Variants in POM121C observed in about 807,000 individuals in gnomAD.
POM121C encodes the protein POM121 transmembrane nucleoporin C, also known as nuclear envelope pore membrane protein POM 121C.
A neutral mutation model predicts 66.4 loss-of-function variants in POM121C; 20 were observed. The ratio of observed to expected loss-of-function variants is 0.30; its 90% CI spans 0.21 to 0.44. The LOEUF is 0.44. Among genes scored for constraint, POM121C ranks in the 20% least tolerant of loss-of-function variants. The pLI is 1.00. For missense variants in POM121C, 580 were observed against 1,225.7 expected, an observed-to-expected ratio of 0.47 and a Z score of 7.87; for synonymous variants, 286 against 528.0, an observed-to-expected ratio of 0.54 and a Z score of 6.28.
chr7:75,462,248 A>G (rs1554477145), intron 3 of POM121C, among the ~76,000 whole-genome samples: 1 of 150,900 alleles, frequency 6.6e-6, no homozygotes, highest in South Asian at 2.1e-4. Context: ...TTTCCCCTGC[A>G]CTCTCCCCTC....
intron 3 of POM121C, chr7:75,442,609 G>C (rs1396729260): frequency 6.7e-7 from 1 of 1,490,880 alleles, no homozygotes; most frequent in Non-Finnish European, 8.9e-7. Flanking sequence ...GCGACAGGCC[G>C]AGAAGCGCCG....
At chr7:75,477,399 A>G (rs1229690362) in intron 1 of POM121C, among the ~76,000 whole-genome samples, 1 of 152,268 alleles carries the variant, frequency 6.6e-6, no homozygotes, top group Admixed American at 6.5e-5. Context: ...CCTGGTCAAC[A>G]TGGTGAAACC....
intron 5 of POM121C, 104 bp from the exon 6 acceptor site, chr7:75,439,328 C>T (rs781956940): frequency 6.7e-7 from 1 of 1,485,130 alleles, no homozygotes; most frequent in East Asian, 2.3e-5. Flanking sequence ...CTATGGAGCA[C>T]AGATTCCATG....
intron 3 of POM121C, among the ~76,000 whole-genome samples, chr7:75,464,347 C>T (rs1170980530): frequency 6.6e-6 from 1 of 152,252 alleles, no homozygotes; most frequent in Non-Finnish European, 1.5e-5. Flanking sequence ...CCTGTAATTC[C>T]AGCACTTTGG....
chr7:75,465,088 G>A (rs1224880464), intron 3 of POM121C, among the ~76,000 whole-genome samples: 12 of 150,338 alleles, frequency 8.0e-5, no homozygotes, highest in East Asian at 2.1e-4. Flanking sequence ...TCTGCCTACC[G>A]GGTTCAAGCA....
chr7:75,461,207 C>A (rs587688400), intron 3 of POM121C, among the ~76,000 whole-genome samples: 3 of 152,080 alleles, frequency 2.0e-5, no homozygotes, highest in South Asian at 2.1e-4. Flanking sequence ...CAACAAAAAA[C>A]CACAAAATAT....
intron 7 of POM121C, among the ~76,000 whole-genome samples, chr7:75,434,156 G>T (rs1288277145): frequency 6.6e-6 from 1 of 152,120 alleles, no homozygotes; most frequent in Non-Finnish European, 1.5e-5. Context: ...AGATTTGGCT[G>T]GTAGCCCTTC....
At chr7:75,438,623 G>A (rs1157263096) in intron 6 of POM121C, among the ~76,000 whole-genome samples, 5 of 152,180 alleles carry the variant, frequency 3.3e-5, no homozygotes, top group African/African-American at 4.8e-5. Flanking sequence ...GCAGAACTAC[G>A]GAAGGCAGGA....
At chr7:75,455,918 T>C (rs1245137398) in intron 3 of POM121C, among the ~76,000 whole-genome samples, 6 of 152,130 alleles carry the variant, frequency 3.9e-5, no homozygotes, top group Admixed American at 6.6e-5. Context: ...TCACTAAAGG[T>C]GTGCAGAGTA....
chr7:75,425,711 G>T lies in POM121C; in HGVS notation c.573-3C>A. 6.2e-7 allele frequency: 1 copy of T among 1,610,678 alleles called. No individual in the cohort carries two copies. The highest frequency in any genetic ancestry group is 2.2e-5 in the East Asian group (1 of 44,870). On this transcript the variant is annotated splice_polypyrimidine_tract_variant and splice_region_variant and intron_variant, in intron 8 of 14. Transcript: ENST00000615331. ...AATGATGACACAGCTCTTCTTCTCT[G>T]TTGGGAAAAAAGGAACAATTTAGTC...
Position 75,475,120 on chromosome 7 carries a change from A to C in POM121C, c.-389T>G. 6.5e-7 allele frequency: 1 copy of C among 1,546,536 alleles called. No individual in the cohort carries two copies. The highest frequency in any genetic ancestry group is 8.9e-7 in the Non-Finnish European group (1 of 1,121,390). On this transcript the variant is annotated 5_prime_UTR_variant, in exon 2 of 15. The change abolishes an upstream ATG in the 5' untranslated region. Coordinates refer to ENST00000615331, the MANE Select transcript of POM121C (RefSeq NM_001099415.3). ...TCACATCCCCGTATGTTATCTTCTC[A>C]TCAGGGTCCAGTTGCCGCCACTCCT... is the stretch of plus-strand genomic sequence containing the variant.
chr7:75,481,627 G>C (rs1382701908), intron 1 of POM121C, among the ~76,000 whole-genome samples: 6 of 152,114 alleles, frequency 3.9e-5, no homozygotes, highest in Non-Finnish European at 8.8e-5. Context: ...CCCAGTTCAA[G>C]ACCAGCCTGG....
At chr7:75,433,707 C>G (rs1554472679) in intron 7 of POM121C, among the ~76,000 whole-genome samples, 4 of 152,142 alleles carry the variant, frequency 2.6e-5, no homozygotes, top group African/African-American at 7.2e-5. Flanking sequence ...ACAATTCTGA[C>G]CCTTGTTTTT....
intron 7 of POM121C, among the ~76,000 whole-genome samples, chr7:75,434,603 G>A (rs1340159569): frequency 1.4e-4 from 18 of 125,986 alleles, no homozygotes; most frequent in Non-Finnish European, 2.4e-4. Flanking sequence ...TTTTTTTTGA[G>A]ACAGAGTCTC....
chr7:75,435,041 G>A (rs1216281797), intron 7 of POM121C, among the ~76,000 whole-genome samples: 3 of 152,188 alleles, frequency 2.0e-5, no homozygotes, highest in Non-Finnish European at 4.4e-5. Flanking sequence ...AATCACATGC[G>A]CATTTAACCC....
chr7:75,485,929 G>A lies in POM121C; in HGVS notation c.-523C>T. 4 of 497,688 alleles carry A rather than the reference G, an allele frequency of 8.0e-6. No homozygotes were observed. Among genetic ancestry groups the A allele is most frequent in the Admixed American group, 4.2e-5 (2 of 47,338 alleles). The allele number at this position is 497,688 out of a possible 1,614,324, so 30.8% of individuals were successfully genotyped here. A position where few individuals can be genotyped will look rare whatever the true frequency, so the allele number is the denominator to read the frequency against. On this transcript the variant is annotated 5_prime_UTR_variant, in exon 1 of 15. Transcript: ENST00000615331. ...AGGCCGGGGCGGGCTGCTGTCGCTG[G>A]CGCGCGCGTCTGCTCGCGAGGTCCC...
At chr7:75,467,636 C>T (rs1287690642) in intron 3 of POM121C, among the ~76,000 whole-genome samples, 3 of 151,960 alleles carry the variant, frequency 2.0e-5, no homozygotes, top group Non-Finnish European at 2.9e-5. Context: ...CTGGAATACC[C>T]GTCTCTGACA....
intron 3 of POM121C, among the ~76,000 whole-genome samples, chr7:75,473,649 G>T (rs587739279): frequency 1.8e-4 from 28 of 152,140 alleles, no homozygotes; most frequent in African/African-American, 6.0e-4. Flanking sequence ...ATCGAGGGCA[G>T]AAAATAAGTC....
At chr7:75,447,007 C>CA (rs60389539) in intron 3 of POM121C, among the ~76,000 whole-genome samples, 587 of 53,532 alleles carry the variant, frequency 0.011, 76 homozygotes, top group Middle Eastern at 0.017. Context: ...GACTCCGTCT[C>CA]AAAAAAAAAA....
Sources: gnomAD v4.1 joint callset for allele counts (sites outside exome capture counted in the v4.1 genomes callset) on GRCh38, gnomAD v4.1.1 for gene constraint, MANE v1.5 for transcripts, NCBI Gene and HGNC (gene_info 2026-07-23, HGNC 2026-07-21) for gene names.